The following STRN variants were observed in gnomAD, a reference collection of about 807,000 sequenced individuals.
The protein encoded by STRN is striatin.
In STRN, 53 loss-of-function variants were observed where a neutral mutation model predicts 96.3. That is an observed-to-expected ratio of 0.55 (90% CI 0.44 to 0.69). The LOEUF is 0.69. STRN is among the 30% of genes least tolerant of loss of function. The pLI, the probability that STRN is intolerant of heterozygous loss-of-function variation, is 0.00. For missense variants in STRN, 987 were observed against 963.9 expected (o/e 1.02, Z -0.32); for synonymous variants, 428 against 355.9 (o/e 1.20, Z -2.28).
intron 3 of STRN, among the ~76,000 whole-genome samples, chr2:36,906,593 C>A (rs1669827338): frequency 6.6e-6 from 1 of 152,044 alleles, no homozygotes; most frequent in Non-Finnish European, 1.5e-5. Context: ...ATAACAACCT[C>A]AATCCAAACC....
At chr2:36,900,337 A>G (rs886713746) in intron 5 of STRN, among the ~76,000 whole-genome samples, 1 of 152,090 alleles carries the variant, frequency 6.6e-6, no homozygotes, top group African/African-American at 2.4e-5. Context: ...TTCTCTCTAC[A>G]ACTCTCCCTT....
chr2:36,937,855 T>G (rs529104370), intron 1 of STRN, among the ~76,000 whole-genome samples: 1 of 152,096 alleles, frequency 6.6e-6, no homozygotes, highest in South Asian at 2.1e-4. Flanking sequence ...CTCTTAACAG[T>G]TAGCAGGAGG....
In STRN at chr2:36,901,294, G is replaced by A. The variant is rs139827436; in HGVS notation, c.659+1290C>T. On this transcript the variant is annotated intron_variant, in intron 5 of 17. Transcript: ENST00000263918. ...TTGGCCAGGCGTGGGGGCTCATGCC[G>A]GTAATCCCAGTACTTCAGGAGGCCA... 2.7e-3 allele frequency among the ~76,000 whole-genome samples: 413 copies of A among 152,166 alleles called. 2 individuals carry two copies. The highest frequency in any genetic ancestry group is 3.3e-3 in the Non-Finnish European group (226 of 68,008).
chr2:36,937,460 G>A (rs938843966), intron 1 of STRN, among the ~76,000 whole-genome samples: 2 of 152,048 alleles, frequency 1.3e-5, no homozygotes, highest in African/African-American at 4.8e-5. Context: ...CTTGAGACCA[G>A]GAGTTCAAGA....
At chr2:36,949,399 C>A (rs1664698724) in intron 1 of STRN, among the ~76,000 whole-genome samples, 1 of 151,514 alleles carries the variant, frequency 6.6e-6, no homozygotes. Flanking sequence ...CTATAACAGG[C>A]AAAAATAAAA....
chr2:36,864,608 G>C (rs1426568201), intron 12 of STRN, among the ~76,000 whole-genome samples: 4 of 152,214 alleles, frequency 2.6e-5, no homozygotes, highest in African/African-American at 9.7e-5. Context: ...ATATTGGCCT[G>C]AAGTTTTCCT....
chr2:36,884,200 T>C (rs368037713), intron 8 of STRN, 125 bp from the exon 9 acceptor site: 3 of 831,226 alleles, frequency 3.6e-6, no homozygotes, highest in Non-Finnish European at 4.9e-6. Flanking sequence ...AATATTCTAC[T>C]AGATTAATAA....
intron 12 of STRN, among the ~76,000 whole-genome samples, chr2:36,864,497 G>C (rs1232375809): frequency 6.6e-6 from 1 of 152,148 alleles, no homozygotes; most frequent in Non-Finnish European, 1.5e-5. Flanking sequence ...GCAACCCAGG[G>C]ATAAAGCCTG....
At chr2:36,928,422 C>A (rs371180410) in intron 1 of STRN, among the ~76,000 whole-genome samples, 1 of 151,888 alleles carries the variant, frequency 6.6e-6, no homozygotes, top group African/African-American at 2.4e-5. Context: ...GAGGCCGAGG[C>A]GGGGGGATCA....
intron 1 of STRN, among the ~76,000 whole-genome samples, chr2:36,949,519 C>T (rs1460851830): frequency 6.6e-6 from 1 of 152,182 alleles, no homozygotes; most frequent in South Asian, 2.1e-4. Context: ...GGGAAGACTT[C>T]TACTTTAGTC....
At chr2:36,874,885 G>C (rs967480204) in intron 10 of STRN, among the ~76,000 whole-genome samples, 1 of 152,140 alleles carries the variant, frequency 6.6e-6, no homozygotes, top group Non-Finnish European at 1.5e-5. Flanking sequence ...CAGGTGAAAA[G>C]AAAGTGATCC....
intron 12 of STRN, among the ~76,000 whole-genome samples, chr2:36,863,077 T>C (rs1235658834): frequency 6.6e-6 from 1 of 152,190 alleles, no homozygotes; most frequent in Non-Finnish European, 1.5e-5. Flanking sequence ...ATATTGGTCC[T>C]TTGTCAGATT....
chr2:36,932,445 G>A (rs528100381), intron 1 of STRN, among the ~76,000 whole-genome samples: 9 of 152,212 alleles, frequency 5.9e-5, no homozygotes, highest in East Asian at 1.9e-4. Flanking sequence ...GTGAGCCACC[G>A]CACCCGGCCT....
At chr2:36,907,365 C>T (rs947203000) in intron 3 of STRN, among the ~76,000 whole-genome samples, 3 of 152,102 alleles carry the variant, frequency 2.0e-5, no homozygotes, top group Non-Finnish European at 4.4e-5. Context: ...CTGGCTAACG[C>T]GGTGAAATCC....
At chr2:36,948,630 C>A (rs773675662) in intron 1 of STRN, among the ~76,000 whole-genome samples, 1 of 152,096 alleles carries the variant, frequency 6.6e-6, no homozygotes, top group Non-Finnish European at 1.5e-5. Context: ...ACTGCTATAT[C>A]CCTAATTCCT....
intron 1 of STRN, among the ~76,000 whole-genome samples, chr2:36,944,821 G>A (rs1670938525): frequency 6.6e-6 from 1 of 152,130 alleles, no homozygotes; most frequent in Non-Finnish European, 1.5e-5. Context: ...CTTAAATTCA[G>A]TCGTAATCAG....
At chr2:36,876,587 C>T (rs1032532731) in intron 10 of STRN, among the ~76,000 whole-genome samples, 2 of 152,088 alleles carry the variant, frequency 1.3e-5, no homozygotes, top group Non-Finnish European at 2.9e-5. Flanking sequence ...ACATCCCCTG[C>T]ATGGTACCTG....
rs1302951547 is a variant in STRN, at chr2:36,867,914, T to C, written c.1500-53A>G. The C allele has an allele frequency of 7.3e-6, 10 of 1,367,160 alleles. No homozygotes were observed. In the Admixed American group the frequency reaches 1.4e-4, roughly 19 times the overall value. 84.7% of individuals were successfully genotyped at this position (1,367,160 alleles called of 1,614,324 possible). A position where few individuals can be genotyped will look rare whatever the true frequency, so the allele number is the denominator to read the frequency against. On this transcript the variant is annotated intron_variant, in intron 11 of 17. Transcript: ENST00000263918. ...TTCTAAGTGTCAGTAAACAGTATAATTAAACATATGTCATAAAATTGTCTT... is the reference window on the plus strand; with the variant it reads ...TTCTAAGTGTCAGTAAACAGTATAACTAAACATATGTCATAAAATTGTCTT...
chr2:36,858,979 C>A (rs540093015), intron 13 of STRN, among the ~76,000 whole-genome samples: 3 of 152,128 alleles, frequency 2.0e-5, no homozygotes, highest in African/African-American at 7.2e-5. Flanking sequence ...AGGGGGAGAA[C>A]ATGATTGACA....
Sources: allele counts gnomAD v4.1 joint callset (sites outside exome capture counted in the v4.1 genomes callset), GRCh38; gene constraint gnomAD v4.1.1; transcripts MANE v1.5; gene names NCBI Gene and HGNC (gene_info 2026-07-23, HGNC 2026-07-21).